Variants in ADD1 observed in about 807,000 individuals in gnomAD.
ADD1 encodes the protein alpha-adducin.
A neutral mutation model predicts 80.5 loss-of-function variants in ADD1; 24 were observed. The observed-to-expected ratio is 0.30, with a 90% CI of 0.22 to 0.42. ADD1 has a LOEUF of 0.42. ADD1 is among the 10% of genes least tolerant of loss of function. The pLI, the probability that ADD1 is intolerant of heterozygous loss-of-function variation, is 1.00. For synonymous variants in ADD1, 373 were observed against 393.8 expected (o/e 0.95, Z 0.63); for missense variants, 948 against 1,019.0 (o/e 0.93, Z 0.95).
intron 4 of ADD1, among the ~76,000 whole-genome samples, chr4:2,889,842 C>T (rs1004664614): frequency 3.4e-5 from 5 of 147,850 alleles, no homozygotes; most frequent in Non-Finnish European, 6.0e-5. Flanking sequence ...TAAAAGATAC[C>T]ATAAAGACAG....
intron 1 of ADD1, among the ~76,000 whole-genome samples, chr4:2,852,189 T>TCTTCCTTTCTTTC (rs1553815103): frequency 2.0e-5 from 1 of 50,754 alleles, no homozygotes; most frequent in African/African-American, 6.9e-5. Context: ...TTTCTTTCTT[T>TCTTCCTTTCTTTC]CTTTCTTTCC....
chr4:2,914,050 CT>C (rs1738538460), intron 13 of ADD1, among the ~76,000 whole-genome samples: 1 of 140,778 alleles, frequency 7.1e-6, no homozygotes. Flanking sequence ...CAGTGCGAGA[CT>C]CCGTCTCAAA....
At chr4:2,882,543 A>G (rs927071613) in intron 3 of ADD1, among the ~76,000 whole-genome samples, 2 of 152,242 alleles carry the variant, frequency 1.3e-5, no homozygotes, top group African/African-American at 2.4e-5. Context: ...TGAGTTTGCA[A>G]ATGTTAACAT....
chr4:2,871,162 G>A (rs1730384440), intron 1 of ADD1, among the ~76,000 whole-genome samples: 3 of 151,830 alleles, frequency 2.0e-5, no homozygotes, highest in Admixed American at 1.3e-4. Context: ...TAGTAGAGAT[G>A]GGGTTTCACC....
chr4:2,920,230 G>T lies in ADD1; in HGVS notation c.1948+5190G>T, dbSNP rs1029293370. 2.6e-5 allele frequency among the ~76,000 whole-genome samples: 4 copies of T among 152,008 alleles called. No homozygotes were observed. In the East Asian group the frequency reaches 7.7e-4, roughly 29 times the overall value. On this transcript the variant is annotated intron_variant, in intron 14 of 15. Transcript: ENST00000683351. ...TGTTTGTTATGATTTCCATTCTCTT[G>T]CTGAGGAGTGTTTTACTTCCAATTA...
At chr4:2,845,872 AGATT>A (rs1412017750) in intron 1 of ADD1, among the ~76,000 whole-genome samples, 3 of 152,226 alleles carry the variant, frequency 2.0e-5, no homozygotes, top group Non-Finnish European at 4.4e-5. Flanking sequence ...ACTTAGAGTT[AGATT>A]GACTGCCCTT....
intron 1 of ADD1, among the ~76,000 whole-genome samples, chr4:2,855,763 C>T (rs758177798): frequency 3.3e-5 from 5 of 150,634 alleles, no homozygotes; most frequent in Non-Finnish European, 4.4e-5. Flanking sequence ...TGCAGTGGCG[C>T]GATCACAGCT....
At chr4:2,855,256 T>A (rs1033835360) in intron 1 of ADD1, among the ~76,000 whole-genome samples, 1 of 152,126 alleles carries the variant, frequency 6.6e-6, no homozygotes, top group Non-Finnish European at 1.5e-5. Flanking sequence ...ACTAAAAGAG[T>A]GTCTCTTATA....
chr4:2,858,254 C>T (rs1728355896), intron 1 of ADD1, among the ~76,000 whole-genome samples: 1 of 152,186 alleles, frequency 6.6e-6, no homozygotes, highest in South Asian at 2.1e-4. Context: ...GATGCTATTG[C>T]TGCTACTGCT....
Position 2,926,337 on chromosome 4 carries a change from G to T in ADD1, c.2047+225G>T, listed in dbSNP as rs779671959. 2 of 704,584 alleles carry T rather than the reference G, an allele frequency of 2.8e-6. No individual in the cohort carries two copies. The highest frequency in any genetic ancestry group is 1.7e-5 in the African/African-American group (1 of 57,392). 43.6% of individuals were successfully genotyped at this position (704,584 alleles called of 1,614,324 possible). A position where few individuals can be genotyped will look rare whatever the true frequency, so the allele number is the denominator to read the frequency against. On this transcript the variant is annotated intron_variant, in intron 15 of 15. Coordinates refer to ENST00000683351, the MANE Select transcript of ADD1 (RefSeq NM_001354761.2). The surrounding 1 kb of genome is among the most constrained non-coding windows in gnomAD (Gnocchi z 5.0). Reference sequence around the variant, plus strand: ...ACCAGGTAGGAAGGCCGGCCTCGGGGGTCGGAACCCACCATGGTTGCTGGT... The same window carrying T: ...ACCAGGTAGGAAGGCCGGCCTCGGGTGTCGGAACCCACCATGGTTGCTGGT...
chr4:2,925,299 G>A (rs1389732697), intron 14 of ADD1, among the ~76,000 whole-genome samples: 1 of 152,136 alleles, frequency 6.6e-6, no homozygotes, highest in Non-Finnish European at 1.5e-5. Context: ...AGAGGCCCTG[G>A]GAGCTCAGAA....
intron 14 of ADD1, 90 bp from the exon 15 acceptor site, chr4:2,925,924 G>T (rs888382824): frequency 3.6e-6 from 4 of 1,097,118 alleles, no homozygotes; most frequent in Non-Finnish European, 5.4e-6. Flanking sequence ...GAGGGCGGCC[G>T]AGCGGGCTGC....
intron 4 of ADD1, among the ~76,000 whole-genome samples, chr4:2,890,374 C>A (rs1255974112): frequency 6.6e-6 from 1 of 152,010 alleles, no homozygotes; most frequent in Non-Finnish European, 1.5e-5. Flanking sequence ...AAATTCATAT[C>A]ACAATGAAAT....
intron 14 of ADD1, among the ~76,000 whole-genome samples, chr4:2,915,616 G>C (rs1265087428): frequency 6.6e-6 from 1 of 152,140 alleles, no homozygotes; most frequent in East Asian, 1.9e-4. Flanking sequence ...ACTCCAGCCT[G>C]GGCGACAGAG....
At chr4:2,854,739 A>G (rs1051917589) in intron 1 of ADD1, 2 of 151,990 alleles carry the variant, frequency 1.3e-5, no homozygotes, top group African/African-American at 4.8e-5. Flanking sequence ...ATTTTTGTCC[A>G]TTTATTTTCA....
rs537727675 is a variant in ADD1, at chr4:2,928,675, G to A, written c.*152G>A. On this transcript the variant is annotated 3_prime_UTR_variant, in exon 16 of 16. Coordinates refer to ENST00000683351, the MANE Select transcript of ADD1 (RefSeq NM_001354761.2). ...CACGTGACCAGCCCCGTGTAGCCCC[G>A]GGCTGACCCAGTGTGTGCTCAGCAG... is the stretch of plus-strand genomic sequence containing the variant. The A allele has an allele frequency of 4.1e-5, 32 of 778,746 alleles. No homozygotes were observed. Among genetic ancestry groups the A allele is most frequent in the East Asian group, 2.5e-4 (9 of 35,720 alleles). The allele number at this position is 778,746 out of a possible 1,614,324, so 48.2% of individuals were successfully genotyped here.
Position 2,929,282 on chromosome 4 carries a change from T to A in ADD1, c.*759T>A, listed in dbSNP as rs1560274618. The A allele has an allele frequency of 6.6e-6, 1 of 152,208 alleles. No homozygotes were observed. Among genetic ancestry groups the A allele is most frequent in the Non-Finnish European group, 1.5e-5 (1 of 68,056 alleles). The allele number at this position is 152,208 out of a possible 1,614,324, so 9.4% of individuals were successfully genotyped here. On this transcript the variant is annotated 3_prime_UTR_variant, in exon 16 of 16. Coordinates refer to ENST00000683351, the MANE Select transcript of ADD1 (RefSeq NM_001354761.2). The stretch of plus-strand genomic sequence containing the variant: ...GAGCAGGTTTACAATTTAGCTTACA[T>A]TTTTCGACTGTGAACGTGAATAGGC...
intron 1 of ADD1, among the ~76,000 whole-genome samples, chr4:2,869,298 C>T (rs747154644): frequency 3.3e-5 from 5 of 152,122 alleles, no homozygotes; most frequent in Non-Finnish European, 5.9e-5. Context: ...GGAGAATGGG[C>T]CCCATCCTAG....
chr4:2,926,428 G>T lies in ADD1; in HGVS notation c.2047+316G>T. The T allele has an allele frequency of 1.4e-6, 1 of 692,824 alleles. No individual in the cohort carries two copies. The highest frequency in any genetic ancestry group is 2.0e-5 in the Admixed American group (1 of 49,368). 42.9% of individuals were successfully genotyped at this position (692,824 alleles called of 1,614,324 possible). A position where few individuals can be genotyped will look rare whatever the true frequency, so the allele number is the denominator to read the frequency against. On this transcript the variant is annotated intron_variant, in intron 15 of 15. Transcript: ENST00000683351. The surrounding 1 kb of genome is among the most constrained non-coding windows in gnomAD (Gnocchi z 5.0). Reference sequence around the variant, plus strand: ...TGTCATGCAGATGCCACCTTCGGAGGTGCCCTCCGCTGTGTGAGCCACACG... The same window carrying T: ...TGTCATGCAGATGCCACCTTCGGAGTTGCCCTCCGCTGTGTGAGCCACACG...
Sources: allele counts gnomAD v4.1 joint callset (sites outside exome capture counted in the v4.1 genomes callset), GRCh38; gene constraint gnomAD v4.1.1; non-coding constraint Gnocchi (gnomAD v3.1); transcripts MANE v1.5; gene names NCBI Gene and HGNC (gene_info 2026-07-23, HGNC 2026-07-21).